The following TRMT11 variants were observed in gnomAD, a reference collection of about 807,000 sequenced individuals.
TRMT11 encodes tRNA (guanine(10)-N(2))-methyltransferase TRMT11.
Under a neutral mutation model 62.8 loss-of-function variants are expected in TRMT11, and 53 were observed. The ratio of observed to expected loss-of-function variants is 0.84; its 90% CI spans 0.68 to 1.06. The LOEUF is 1.06. Ranked by LOEUF, TRMT11 falls within the 50% of genes least tolerant of loss-of-function variation. TRMT11 has a pLI of 0.00. For synonymous variants in TRMT11, 188 were observed against 190.3 expected, an observed-to-expected ratio of 0.99 and a Z score of 0.10; for missense variants, 556 against 553.4, an observed-to-expected ratio of 1.00 and a Z score of -0.05.
intron 12 of TRMT11, among the ~76,000 whole-genome samples, chr6:126,033,101 AG>A (rs1455211954): frequency 3.3e-5 from 5 of 152,160 alleles, no homozygotes; most frequent in Non-Finnish European, 7.4e-5. Flanking sequence ...TTATTTAAGA[AG>A]GAGGTGATAA....
chr6:126,130,059 A>C (rs564988688), intron 21 of TRMT11, among the ~76,000 whole-genome samples: 1 of 152,088 alleles, frequency 6.6e-6, no homozygotes, highest in African/African-American at 2.4e-5. Flanking sequence ...TTTTGCTTGG[A>C]GCATGATGAA....
At chr6:125,992,129 A>G (rs961200891) in intron 1 of TRMT11, among the ~76,000 whole-genome samples, 3 of 152,224 alleles carry the variant, frequency 2.0e-5, no homozygotes, top group Admixed American at 1.3e-4. Context: ...AAGTGGTTTA[A>G]ACATGTTTTG....
downstream of TRMT11, among the ~76,000 whole-genome samples, chr6:126,204,114 A>G (rs116674346): frequency 0.015 from 2,324 of 152,316 alleles, 48 homozygotes; most frequent in African/African-American, 0.052. Flanking sequence ...AAATAAAACG[A>G]TAGGCATTAA....
the TRMT11 span, among the ~76,000 whole-genome samples, chr6:126,261,888 G>A: frequency 1.3e-3 from 198 of 152,294 alleles, no homozygotes; most frequent in Non-Finnish European, 2.1e-4. Flanking sequence ...ATAGCTGTGA[G>A]ACTGAGCTGA....
intron 21 of TRMT11, among the ~76,000 whole-genome samples, chr6:126,131,353 A>C (rs556095649): frequency 5.9e-5 from 9 of 152,050 alleles, no homozygotes; most frequent in Non-Finnish European, 1.0e-4. Flanking sequence ...GCTTAGCAGT[A>C]TTGGCAGGGT....
At chr6:126,191,775 G>A (rs986162941) in intron 1 of TRMT11, among the ~76,000 whole-genome samples, 2 of 151,908 alleles carry the variant, frequency 1.3e-5, no homozygotes, top group Non-Finnish European at 2.9e-5. Context: ...TGTATCTCTG[G>A]GTTCTCTAAT....
At chr6:126,145,318 G>A (rs946379639) in intron 21 of TRMT11, among the ~76,000 whole-genome samples, 2 of 152,168 alleles carry the variant, frequency 1.3e-5, no homozygotes, top group African/African-American at 2.4e-5. Context: ...CCCTAGGACA[G>A]AGGAGGGAAG....
At chr6:126,040,451 T>C (rs922163417), downstream of TRMT11, among the ~76,000 whole-genome samples, 3 of 152,110 alleles carry the variant, frequency 2.0e-5, no homozygotes, top group Non-Finnish European at 4.4e-5. Context: ...ACCTGATTAC[T>C]TCCAAACTAT....
At chr6:126,056,605 G>C (rs1776381662) in intron 17 of TRMT11, among the ~76,000 whole-genome samples, 1 of 152,088 alleles carries the variant, frequency 6.6e-6, no homozygotes, top group African/African-American at 2.4e-5. Context: ...CTTGTTTGTA[G>C]AGTGGTTTCC....
chr6:126,141,997 C>T (rs966842007), intron 21 of TRMT11, among the ~76,000 whole-genome samples: 6 of 151,984 alleles, frequency 3.9e-5, no homozygotes, highest in Admixed American at 1.3e-4. Flanking sequence ...AATTTCAAAT[C>T]GAAGACACAG....
At chr6:126,199,813 A>G (rs1778714192) in exon 3 of TRMT11, 1 of 152,188 alleles carries the variant, frequency 6.6e-6, no homozygotes, top group African/African-American at 2.4e-5. Flanking sequence ...CTAAGATAGA[A>G]TTTTGGACCT....
intron 11 of TRMT11, among the ~76,000 whole-genome samples, chr6:126,016,682 A>G (rs1282400906): frequency 1.4e-5 from 2 of 145,940 alleles, no homozygotes; most frequent in African/African-American, 5.2e-5. Flanking sequence ...GAAAGGGAAA[A>G]GGGAGACATG....
chr6:126,026,961 T>C (rs958412398), intron 12 of TRMT11, among the ~76,000 whole-genome samples: 8 of 150,826 alleles, frequency 5.3e-5, no homozygotes, highest in South Asian at 2.1e-4. Context: ...TGCCACCCCG[T>C]CCGGCTAATT....
At position 126,183,450 on chromosome 6, in the gene TRMT11, C is replaced by T. The variant is rs1050269046; in HGVS notation, n.143+6115C>T. Among the ~76,000 whole-genome samples the T allele has an allele frequency of 3.9e-5, 6 of 152,070 alleles. No homozygotes were observed. The East Asian group carries it at 5.8e-4, about 15-fold the overall frequency. On this transcript the variant is annotated intron_variant and non_coding_transcript_variant, in intron 1 of 3. Coordinates refer to the TRMT11 transcript ENST00000444229. Reference sequence around the variant, plus strand: ...CCAAAATAAGCCACCTCATGGAAAGCGGGAAACAATTGGTAGGTCCCCAAA... The same window carrying T: ...CCAAAATAAGCCACCTCATGGAAAGTGGGAAACAATTGGTAGGTCCCCAAA...
rs145207696 is a variant in TRMT11 at position 126,131,264 on chromosome 6, G to T, written c.*1823+15409G>T. The stretch of plus-strand genomic sequence containing the variant: ...TGGTGTTAGAGCAAATTTTGACCAT[G>T]TCACAGTCTGGATAACTCTTAGGTT... On this transcript the variant is annotated intron_variant and NMD_transcript_variant, in intron 21 of 22. Transcript: ENST00000648977. 8.4e-3 allele frequency among the ~76,000 whole-genome samples: 1,280 copies of T among 152,086 alleles called. 15 individuals carry two copies. Among genetic ancestry groups the T allele is most frequent in the African/African-American group, 0.03 (1,238 of 41,506 alleles).
intron 7 of TRMT11, among the ~76,000 whole-genome samples, chr6:126,000,316 T>C (rs1366104977): frequency 1.3e-5 from 2 of 152,124 alleles, no homozygotes; most frequent in Non-Finnish European, 1.5e-5. Context: ...ACCAAGCTCA[T>C]TGTGGCTCAT....
intron 12 of TRMT11, among the ~76,000 whole-genome samples, chr6:126,034,309 T>A (rs144998658): frequency 2.4e-3 from 358 of 152,292 alleles, no homozygotes; most frequent in African/African-American, 8.0e-3. Context: ...TACGGAAAAT[T>A]AAATAATTAT....
intron 17 of TRMT11, among the ~76,000 whole-genome samples, chr6:126,063,532 T>A (rs777477426): frequency 2.6e-5 from 4 of 152,256 alleles, no homozygotes; most frequent in Non-Finnish European, 5.9e-5. Context: ...TAAATTAAAC[T>A]TTGTGTTACA....
chr6:125,995,920 G>A (rs374744348), intron 2 of TRMT11, 47 bp from the exon 3 acceptor site: 221 of 1,143,736 alleles, frequency 1.9e-4, no homozygotes, highest in Admixed American at 3.4e-4. Context: ...AGCATATGAG[G>A]CCATGTAGCC....
Sources: gnomAD v4.1 joint callset for allele counts (sites outside exome capture counted in the v4.1 genomes callset) on GRCh38, gnomAD v4.1.1 for gene constraint, MANE v1.5 for transcripts, NCBI Gene and HGNC (gene_info 2026-07-23, HGNC 2026-07-21) for gene names.